TRIM66: variants seen among roughly 807,000 people sequenced by gnomAD.
The protein encoded by TRIM66 is tripartite motif-containing protein 66.
TRIM66 carries 99 observed loss-of-function variants against 148.2 expected under a neutral mutation model. The observed-to-expected ratio is 0.67, with a 90% CI of 0.57 to 0.79. The LOEUF is 0.79. TRIM66 is among the 30% of genes least tolerant of loss of function. The pLI is 0.00. For synonymous variants in TRIM66, 616 were observed against 635.9 expected (o/e 0.97, Z 0.47); for missense variants, 1,666 against 1,697.9 (o/e 0.98, Z 0.33).
At chr11:8,672,168 C>G (rs2038969197) in intron 5 of TRIM66, 70 bp from the exon 6 acceptor site, 1 of 1,531,776 alleles carries the variant, frequency 6.5e-7, no homozygotes, top group Non-Finnish European at 8.7e-7. Flanking sequence ...CCAGAGGGGC[C>G]TTCGAGAACA....
At chr11:8,619,081 T>C in intron 23 of TRIM66, 113 bp from the exon 24 acceptor site, 1 of 988,252 alleles carries the variant, frequency 1.0e-6, no homozygotes, top group Non-Finnish European at 1.5e-6. Flanking sequence ...CTGAGGTGTC[T>C]GGAACTTGAC....
intron 6 of TRIM66, among the ~76,000 whole-genome samples, chr11:8,665,130 C>A (rs988763273): frequency 3.3e-5 from 5 of 150,880 alleles, no homozygotes; most frequent in African/African-American, 1.2e-4. Flanking sequence ...AAAAAAAAAA[C>A]AGATTTCTGC....
chr11:8,617,672 T>G lies in TRIM66; in HGVS notation c.*272A>C, dbSNP rs150017121. 2 of 430,826 alleles carry G rather than the reference T, an allele frequency of 4.6e-6. No homozygotes were observed. Among genetic ancestry groups the G allele is most frequent in the Non-Finnish European group, 8.2e-6 (2 of 243,952 alleles). The allele number at this position is 430,826 out of a possible 1,614,324, so 26.7% of individuals were successfully genotyped here. A position where few individuals can be genotyped will look rare whatever the true frequency, so the allele number is the denominator to read the frequency against. Reference sequence around the variant, plus strand: ...GTAGGTTTTCCCGAGCCTAACCAGGTGTGGTCTTGTCAAGTGGAGCCTATA... The same window carrying G: ...GTAGGTTTTCCCGAGCCTAACCAGGGGTGGTCTTGTCAAGTGGAGCCTATA... On this transcript the variant is annotated 3_prime_UTR_variant, in exon 25 of 25. Coordinates refer to ENST00000646038, the MANE Select transcript of TRIM66 (RefSeq NM_001388022.1).
chr11:8,624,251 C>G, intron 17 of TRIM66, 108 bp downstream of exon 17: 1 of 1,277,690 alleles, frequency 7.8e-7, no homozygotes, highest in Middle Eastern at 2.7e-4. Context: ...GAGAGATGCA[C>G]TGCTTCCCCA....
rs1460131916 is a variant in TRIM66 at position 8,651,891 on chromosome 11, C to G, written c.353G>C (p.Cys118Ser). The G allele has an allele frequency of 4.5e-6, 7 of 1,551,350 alleles. No homozygotes were observed. Residue 118 changes from cysteine to serine, a missense_variant, in exon 7 of 25, where the codon TGT becomes TCT. This residue lies in a region of TRIM66 where 1,431 missense variants were observed against 1,412.4 expected (regional missense o/e 1.01). Transcript: ENST00000646038. The part of the protein sequence containing the change: ...HETVADELIS[C>S]PGCERVYLTR... ...AAGATATACTCGTTCACACCCAGGA[C>G]AGGAGATGAGCTCTGTGCAAGAAAG... is the stretch of plus-strand genomic sequence containing the variant.
chr11:8,627,622 G>T (rs368915461), intron 15 of TRIM66, among the ~76,000 whole-genome samples: 1 of 152,118 alleles, frequency 6.6e-6, no homozygotes, highest in African/African-American at 2.4e-5. Flanking sequence ...CAAAGATGAG[G>T]CTCAGAAGGG....
rs558671242 is a variant in TRIM66, at chr11:8,681,439, T to C, written c.-548+1162A>G. Among the ~76,000 whole-genome samples, 32 of 152,192 alleles carry C rather than the reference T, an allele frequency of 2.1e-4. 2 individuals are homozygous for C. The South Asian group carries it at 6.6e-3, about 32-fold the overall frequency. ...TAAGCCACCACGCCCGGCCAGAATT[T>C]TGGATATTTTAGCTAAAATATATTT... On this transcript the variant is annotated intron_variant, in intron 1 of 24. Coordinates refer to ENST00000646038, the MANE Select transcript of TRIM66 (RefSeq NM_001388022.1).
chr11:8,635,812 T>C (rs1349696953), intron 15 of TRIM66, among the ~76,000 whole-genome samples: 1 of 152,150 alleles, frequency 6.6e-6, no homozygotes, highest in African/African-American at 2.4e-5. Flanking sequence ...GGGAACCCTG[T>C]TGGCCATTCA....
intron 12 of TRIM66, among the ~76,000 whole-genome samples, chr11:8,645,395 A>T (rs192466228): frequency 5.9e-5 from 9 of 152,250 alleles, no homozygotes; most frequent in Non-Finnish European, 1.3e-4. Flanking sequence ...AACCCCAGTA[A>T]CTTTCTATGA....
intron 15 of TRIM66, among the ~76,000 whole-genome samples, chr11:8,629,037 G>A (rs931335230): frequency 6.6e-6 from 1 of 152,158 alleles, no homozygotes; most frequent in Admixed American, 6.5e-5. Flanking sequence ...TGAGTGCCAA[G>A]ACAAGAAGGG....
intron 1 of TRIM66, among the ~76,000 whole-genome samples, chr11:8,681,692 T>C (rs1348057585): frequency 6.6e-6 from 1 of 152,156 alleles, no homozygotes; most frequent in Non-Finnish European, 1.5e-5. Context: ...AGTTCATTTA[T>C]TCACTCAACA....
At position 8,640,804 on chromosome 11, in the gene TRIM66, G is replaced by A. The variant is rs747778605; in HGVS notation, c.1571C>T (p.Pro524Leu). The A allele has an allele frequency of 3.2e-6, 5 of 1,550,904 alleles. No individual in the cohort carries two copies. The South Asian group carries it at 4.8e-5, about 15-fold the overall frequency. Reference sequence around the variant, plus strand: ...CAGCCAGGGCTGCAGCAGCTTTGGTGGATGAGGGCTGCAGGCCAGCTCTTT... The same window carrying A: ...CAGCCAGGGCTGCAGCAGCTTTGGTAGATGAGGGCTGCAGGCCAGCTCTTT... ...REKELACSPH[P>L]PKLLQPWLET... Residue 524 changes from proline (P) to leucine (L), a missense_variant, in exon 14 of 25, where the codon CCA becomes CTA. Around this residue, in one of 3 missense-constraint regions of TRIM66, gnomAD observed 1,431 missense variants for 1,412.4 expected, o/e 1.01. Transcript: ENST00000646038.
At chr11:8,682,342 G>C (rs1334911047) in intron 1 of TRIM66, 1 of 161,680 alleles carries the variant, frequency 6.2e-6, no homozygotes, top group Non-Finnish European at 1.4e-5. Flanking sequence ...CACTGCGGCC[G>C]GGAGACAAAC....
intron 3 of TRIM66, among the ~76,000 whole-genome samples, chr11:8,676,013 A>G (rs978712086): frequency 6.6e-6 from 1 of 152,244 alleles, no homozygotes; most frequent in Non-Finnish European, 1.5e-5. Flanking sequence ...TACAGGCGTG[A>G]GCCACCACAT....
chr11:8,682,376 G>A (rs2039478471), intron 1 of TRIM66: 2 of 186,962 alleles, frequency 1.1e-5, no homozygotes, highest in African/African-American at 2.4e-5. Context: ...CACCAGCCCC[G>A]GGCAGACCAC....
At chr11:8,643,848 C>T (rs140539822) in intron 12 of TRIM66, among the ~76,000 whole-genome samples, 268 of 152,252 alleles carry the variant, frequency 1.8e-3, no homozygotes, top group African/African-American at 5.6e-3. Flanking sequence ...CTTCCTCTCC[C>T]AACACTTTCA....
At chr11:8,622,957 G>T in intron 17 of TRIM66, 81 bp from the exon 18 acceptor site, 2 of 1,223,116 alleles carry the variant, frequency 1.6e-6, no homozygotes, top group Non-Finnish European at 2.4e-6. Flanking sequence ...ACTTATATCT[G>T]CTATTCATAC....
intron 18 of TRIM66, among the ~76,000 whole-genome samples, chr11:8,622,365 C>CACACACACACATATATATATATATATAT: frequency 0.012 from 713 of 59,114 alleles, 25 homozygotes; most frequent in Admixed American, 0.021. Context: ...CACACACACA[C>CACACACACACATATATATATATATATAT]ATATATATAT....
At position 8,646,522 on chromosome 11, in the gene TRIM66, G is replaced by A. The variant is rs1173959215; in HGVS notation, c.882C>T (p.Asn294=). The A allele has an allele frequency of 1.9e-6, 3 of 1,551,834 alleles. No individual in the cohort carries two copies. The highest frequency in any genetic ancestry group is 2.6e-6 in the Non-Finnish European group (3 of 1,147,064). The change falls in exon 11 of 25, where the codon AAC becomes AAT. Residue 294 remains asparagine, a synonymous_variant. Transcript: ENST00000646038. ...GAACCATCTTGGCCATTTTGATCTG[G>A]TTTTCCACCTTCCTATGCTGATGCT... The part of the protein sequence containing the change: ...EVKHQHRKVE[N]QIKMAKMVLM...
Sources: gnomAD v4.1 joint callset for allele counts (sites outside exome capture counted in the v4.1 genomes callset) on GRCh38, gnomAD v4.1.1 for gene constraint, gnomAD v4.1.1 regional missense constraint, MANE v1.5 for transcripts, NCBI Gene and HGNC (gene_info 2026-07-23, HGNC 2026-07-21) for gene names.